Variants in PRSS12 observed in about 807,000 individuals in gnomAD.
The protein encoded by PRSS12 is neurotrypsin.
Under a neutral mutation model 104.4 loss-of-function variants are expected in PRSS12, and 85 were observed. The observed-to-expected ratio is 0.81, with a 90% CI of 0.68 to 0.98. PRSS12 has a LOEUF of 0.98. Among genes scored for constraint, PRSS12 ranks in the 50% least tolerant of loss-of-function variants. The pLI, the probability that PRSS12 is intolerant of heterozygous loss-of-function variation, is 0.00. For synonymous variants in PRSS12, 454 were observed against 425.2 expected (o/e 1.07, Z -0.83); for missense variants, 1,141 against 1,139.2 (o/e 1.00, Z -0.02).
chr4:118,297,884 T>A (rs1193124301), intron 9 of PRSS12, among the ~76,000 whole-genome samples: 1 of 152,160 alleles, frequency 6.6e-6, no homozygotes, highest in Non-Finnish European at 1.5e-5. Flanking sequence ...ACGCCTGTAG[T>A]CCCAGCACTT....
intron 9 of PRSS12, 52 bp from the exon 10 acceptor site, chr4:118,295,908 T>C (rs1228738629): frequency 6.8e-7 from 1 of 1,473,872 alleles, no homozygotes; most frequent in Non-Finnish European, 9.5e-7. Context: ...GACAGAGGGG[T>C]AAGACGATAA....
intron 9 of PRSS12, among the ~76,000 whole-genome samples, chr4:118,296,738 G>T (rs1743263849): frequency 6.6e-6 from 1 of 152,114 alleles, no homozygotes; most frequent in Non-Finnish European, 1.5e-5. Context: ...ATCAGCAATA[G>T]TTATTTCTTG....
intron 9 of PRSS12, among the ~76,000 whole-genome samples, chr4:118,297,422 GA>G (rs975754999): frequency 6.6e-6 from 1 of 151,946 alleles, no homozygotes; most frequent in Admixed American, 6.6e-5. Flanking sequence ...TTATTAAAGG[GA>G]ATTCAGTAAA....
At chr4:118,333,533 T>C (rs1438500731) in intron 3 of PRSS12, among the ~76,000 whole-genome samples, 1 of 152,232 alleles carries the variant, frequency 6.6e-6, no homozygotes, top group Non-Finnish European at 1.5e-5. Context: ...GTTTAATATA[T>C]ATGGCTGAAT....
chr4:118,308,675 C>T, intron 7 of PRSS12, 98 bp from the exon 8 acceptor site: 1 of 1,492,448 alleles, frequency 6.7e-7, no homozygotes, highest in Non-Finnish European at 9.3e-7. Context: ...TTTTAATCAG[C>T]TATAAAATCA....
chr4:118,299,794 TAAATAAAATAAAATAAATA>T (rs1161495374), intron 8 of PRSS12, among the ~76,000 whole-genome samples: 212 of 64,436 alleles, frequency 3.3e-3, no homozygotes, highest in African/African-American at 8.7e-3. Context: ...TAAAATAAAA[TAAATAAAATAAAATAAATA>T]AAATAAAATA....
intron 11 of PRSS12, among the ~76,000 whole-genome samples, chr4:118,294,354 A>G (rs919609764): frequency 2.0e-5 from 3 of 152,244 alleles, no homozygotes; most frequent in Non-Finnish European, 4.4e-5. Flanking sequence ...AAGAGAAAGT[A>G]GAGCCAGTTC....
At position 118,314,296 on chromosome 4, in the gene PRSS12, C is replaced by G. The variant is rs1743842230; in HGVS notation, c.1293-899G>C. ...AATATGAAGAGATCTTTCTATCTGA[C>G]ATGAATTTTCTTCTTTTTTTATGCA... On this transcript the variant is annotated intron_variant, in intron 6 of 12. Coordinates refer to ENST00000296498, the MANE Select transcript of PRSS12 (RefSeq NM_003619.4). 4.3e-5 allele frequency among the ~76,000 whole-genome samples: 6 copies of G among 140,098 alleles called. No individual in the cohort carries two copies. The Admixed American group carries it at 4.5e-4, about 11-fold the overall frequency. 91.9% of individuals were successfully genotyped at this position (140,098 alleles called of 152,430 possible).
intron 11 of PRSS12, among the ~76,000 whole-genome samples, chr4:118,287,145 ATC>A (rs1560763549): frequency 6.6e-6 from 1 of 151,314 alleles, no homozygotes. Context: ...ACACACACAC[ATC>A]TTTTTTTTCT....
intron 5 of PRSS12, among the ~76,000 whole-genome samples, chr4:118,316,856 A>C (rs1165094847): frequency 8.9e-5 from 13 of 146,514 alleles, no homozygotes; most frequent in South Asian, 4.2e-4. Context: ...ATATATATAT[A>C]TCTTTCCTTT....
chr4:118,308,685 A>G, intron 7 of PRSS12, 108 bp from the exon 8 acceptor site: 1 of 1,443,928 alleles, frequency 6.9e-7, no homozygotes, highest in Non-Finnish European at 9.6e-7. Flanking sequence ...CTATAAAATC[A>G]GATGGGAAAT....
At chr4:118,341,134 T>G (rs910057693) in intron 1 of PRSS12, among the ~76,000 whole-genome samples, 2 of 152,164 alleles carry the variant, frequency 1.3e-5, no homozygotes, top group African/African-American at 4.8e-5. Context: ...TGGCCCACCT[T>G]GGAAAAGAGG....
At chr4:118,284,885 G>A (rs1742979597) in intron 11 of PRSS12, among the ~76,000 whole-genome samples, 1 of 152,048 alleles carries the variant, frequency 6.6e-6, no homozygotes, top group Admixed American at 6.6e-5. Context: ...ACCAAAACTT[G>A]GGTCTTTTAT....
chr4:118,316,139 T>A lies in PRSS12; in HGVS notation c.1292+43A>T, dbSNP rs778830306. The stretch of plus-strand genomic sequence containing the variant: ...ATTAACATAATAAGACTTTTAACAA[T>A]ATAATCTGGCATTTAACTGCCTTTA... On this transcript the variant is annotated intron_variant, in intron 6 of 12. Transcript: ENST00000296498. 3 of 1,606,574 alleles carry A rather than the reference T, an allele frequency of 1.9e-6. No homozygotes were observed. The African/African-American group carries it at 4.0e-5, about 21-fold the overall frequency.
At chr4:118,290,640 G>A (rs538621286) in intron 11 of PRSS12, among the ~76,000 whole-genome samples, 1 of 151,996 alleles carries the variant, frequency 6.6e-6, no homozygotes, top group African/African-American at 2.4e-5. Context: ...TCTCACTGTG[G>A]AACATTATTA....
chr4:118,290,709 C>G (rs1296332553), intron 11 of PRSS12, among the ~76,000 whole-genome samples: 1 of 151,990 alleles, frequency 6.6e-6, no homozygotes, highest in Non-Finnish European at 1.5e-5. Context: ...TAAATAATTT[C>G]TGCAAAGTTA....
chr4:118,335,511 T>A lies in PRSS12; in HGVS notation c.782A>T (p.Gln261Leu), dbSNP rs1456047685. The change falls in exon 3 of 13, where the codon CAG becomes CTG. Residue 261 changes from glutamine (Q) to leucine (L), a missense_variant. Coordinates refer to ENST00000296498, the MANE Select transcript of PRSS12 (RefSeq NM_003619.4). ...ACACGTGACAGCAGCTGCCATCTTCTGAGGACACACCCCACCCTGCCAGAT... is the reference window on the plus strand; with the variant it reads ...ACACGTGACAGCAGCTGCCATCTTCAGAGGACACACCCCACCCTGCCAGAT... ...KDIWQGGVCP[Q>L]KMAAAVTCSF... 6.2e-7 allele frequency: 1 copy of A among 1,614,030 alleles called. No individual in the cohort carries two copies.
chr4:118,339,129 G>A lies in PRSS12; in HGVS notation c.503-815C>T, dbSNP rs115460173. On this transcript the variant is annotated intron_variant, in intron 1 of 12. Transcript: ENST00000296498. ...ATAACACTTTGGTCTTATTCCTTAA[G>A]TGTGGTTCAAAGACCTACATTCCTC... Among the ~76,000 whole-genome samples the A allele has an allele frequency of 7.4e-3, 1,124 of 152,222 alleles. 5 individuals are homozygous for A. Among genetic ancestry groups the A allele is most frequent in the Non-Finnish European group, 0.012 (843 of 68,016 alleles).
chr4:118,302,466 G>A lies in PRSS12; in HGVS notation c.1632-3528C>T, dbSNP rs533774754. ...GTTTCTTAAGGACTGGTGAAAAGTC[G>A]CCCAGGCTGGAGTGCAATGGCACAA... On this transcript the variant is annotated intron_variant, in intron 8 of 12. Coordinates refer to ENST00000296498, the MANE Select transcript of PRSS12 (RefSeq NM_003619.4). 9.2e-5 allele frequency among the ~76,000 whole-genome samples: 14 copies of A among 152,204 alleles called. No individual in the cohort carries two copies. In the South Asian group the frequency reaches 2.9e-3, roughly 32 times the overall value.
Sources: gnomAD v4.1 joint callset for allele counts (sites outside exome capture counted in the v4.1 genomes callset) on GRCh38, gnomAD v4.1.1 for gene constraint, MANE v1.5 for transcripts, NCBI Gene and HGNC (gene_info 2026-07-23, HGNC 2026-07-21) for gene names.